KIAA0513: variants seen among roughly 807,000 people sequenced by gnomAD.
The protein encoded by KIAA0513 is KIAA0513.
A neutral mutation model predicts 56.5 loss-of-function variants in KIAA0513; 39 were observed. The observed-to-expected ratio is 0.69, with a 90% CI of 0.53 to 0.90. The LOEUF is 0.90. KIAA0513 is among the 40% of genes least tolerant of loss of function. The probability of loss-of-function intolerance (pLI) is 0.00; values close to 1 mark genes in which losing one functional copy is unlikely to be tolerated. For synonymous variants in KIAA0513, 268 were observed against 215.6 expected, an observed-to-expected ratio of 1.24 and a Z score of -2.13; for missense variants, 591 against 535.2, an observed-to-expected ratio of 1.10 and a Z score of -1.03.
chr16:85,049,258 G>C (rs2073214206), intron 1 of KIAA0513, among the ~76,000 whole-genome samples: 1 of 152,262 alleles, frequency 6.6e-6, no homozygotes, highest in Non-Finnish European at 1.5e-5. Flanking sequence ...GATCCAGGAG[G>C]ATTTGCCCAG....
At chr16:85,071,673 T>C (rs1486715362) in intron 2 of KIAA0513, 110 bp from the exon 3 acceptor site, 5 of 884,156 alleles carry the variant, frequency 5.7e-6, no homozygotes, top group East Asian at 5.3e-5. Context: ...GGGTCTGTGC[T>C]TGGCTGGGGA....
Position 85,086,586 on chromosome 16 carries a change from A to T in KIAA0513, c.1011-58A>T, listed in dbSNP as rs1473255354. On this transcript the variant is annotated intron_variant, in intron 10 of 12. Transcript: ENST00000683363. ...ACCTGCGGGTCAGAACAGGGCGAGG[A>T]GCTGGGGCAAGGACAGCACCATCTG... The T allele has an allele frequency of 5.9e-6, 9 of 1,528,424 alleles. 1 individual carries two copies. In the African/African-American group the frequency reaches 9.6e-5, roughly 16 times the overall value. The allele number at this position is 1,528,424 out of a possible 1,614,324, so 94.7% of individuals were successfully genotyped here.
rs1597624477 is a variant in KIAA0513, at chr16:85,067,465, G to C, written c.329+65G>C. 5.4e-6 allele frequency: 7 copies of C among 1,298,564 alleles called. No homozygotes were observed. In the East Asian group the frequency reaches 1.7e-4, roughly 31 times the overall value. The allele number at this position is 1,298,564 out of a possible 1,614,324, so 80.4% of individuals were successfully genotyped here. On this transcript the variant is annotated intron_variant, in intron 2 of 12. Transcript: ENST00000683363. ...CAGGGCCCAAGGGGACTCGCCTCCT[G>C]CTCTCGGCTCTGCCTCTCCCCAGGG...
intron 8 of KIAA0513, 137 bp downstream of exon 8, chr16:85,079,140 G>A (rs920495592): frequency 1.8e-5 from 27 of 1,502,556 alleles, no homozygotes; most frequent in Non-Finnish European, 2.1e-5. Context: ...AGAATAAAAA[G>A]ATGAACACTC....
chr16:85,077,498 A>C lies in KIAA0513; in HGVS notation c.648A>C (p.Ala216=), dbSNP rs1343834951. 6.2e-7 allele frequency: 1 copy of C among 1,614,136 alleles called. No individual in the cohort carries two copies. Among genetic ancestry groups the C allele is most frequent in the African/African-American group, 1.3e-5 (1 of 75,036 alleles). ...GCATCGACTCCTACCTGAAATCCGC[A>C]AACAGCTGGCTGGCCGAAAAGAAGG... is the stretch of plus-strand genomic sequence containing the variant. ...AGSIDSYLKS[A]NSWLAEKKDI... Residue 216 remains alanine (A), a synonymous_variant, in exon 6 of 13, where the codon GCA becomes GCC. Transcript: ENST00000683363.
Position 85,059,245 on chromosome 16 carries a change from G to A in KIAA0513, c.-172-7655G>A, listed in dbSNP as rs546023980. On this transcript the variant is annotated intron_variant, in intron 1 of 12. Coordinates refer to ENST00000683363, the MANE Select transcript of KIAA0513 (RefSeq NM_001388359.1). ...GAACTGCTTCAAGCTAGTAATGTGC[G>A]TCTTGCAGGTATCCAGTATTGCTGT... Among the ~76,000 whole-genome samples, 618 of 99,598 alleles carry A rather than the reference G, an allele frequency of 6.2e-3. 3 individuals carry two copies. Among genetic ancestry groups the A allele is most frequent in the Non-Finnish European group, 5.7e-3 (296 of 51,764 alleles). 65.3% of individuals were successfully genotyped at this position (99,598 alleles called of 152,430 possible). A position where few individuals can be genotyped will look rare whatever the true frequency, so the allele number is the denominator to read the frequency against.
chr16:85,088,223 C>A (rs2073831558), intron 12 of KIAA0513, 53 bp from the exon 13 acceptor site: 3 of 1,544,086 alleles, frequency 1.9e-6, no homozygotes, highest in Non-Finnish European at 2.7e-6. Flanking sequence ...GCAGGATATA[C>A]CTGTCCCTGT....
chr16:85,083,332 C>G (rs925162067), intron 10 of KIAA0513, among the ~76,000 whole-genome samples: 1 of 152,122 alleles, frequency 6.6e-6, no homozygotes, highest in Non-Finnish European at 1.5e-5. Context: ...GACGATGGCT[C>G]TTTTGTTGGA....
intron 1 of KIAA0513, among the ~76,000 whole-genome samples, chr16:85,050,253 G>A (rs184716256): frequency 6.6e-6 from 1 of 152,102 alleles, no homozygotes; most frequent in African/African-American, 2.4e-5. Context: ...GGTGACTTGA[G>A]TTGGGACTTA....
intron 10 of KIAA0513, among the ~76,000 whole-genome samples, chr16:85,086,373 C>T (rs1321035637): frequency 6.6e-6 from 1 of 152,238 alleles, no homozygotes; most frequent in Non-Finnish European, 1.5e-5. Context: ...GTGCTCCGTG[C>T]CTTCAGGGCC....
chr16:85,032,473 C>G (rs11642995), intron 1 of KIAA0513, among the ~76,000 whole-genome samples: 9,319 of 152,276 alleles, frequency 0.061, 315 homozygotes, highest in Middle Eastern at 0.082. Context: ...GCTGGGATTA[C>G]AGGTGTGTGC....
In KIAA0513 at chr16:85,088,281, T is replaced by C; in HGVS notation, c.1192T>C (p.Tyr398His). 2 of 1,612,638 alleles carry C rather than the reference T, an allele frequency of 1.2e-6. No individual in the cohort carries two copies. The highest frequency in any genetic ancestry group is 1.1e-5 in the South Asian group (1 of 91,082). The change falls in exon 13 of 13, where the codon TAC becomes CAC. Residue 398 changes from tyrosine to histidine, a missense_variant. Transcript: ENST00000683363. ...AACATCACTTTCTCTTCCAGAGCAATACAAGCTGCTTAGTGACCACATTGA... is the reference window on the plus strand; with the variant it reads ...AACATCACTTTCTCTTCCAGAGCAACACAAGCTGCTTAGTGACCACATTGA... Reference protein sequence around the residue: ...AVIGNLDEEQYKLLSDHIEQM... With the variant: ...AVIGNLDEEQHKLLSDHIEQM...
intron 1 of KIAA0513, among the ~76,000 whole-genome samples, chr16:85,041,108 TTA>T (rs2073098830): frequency 6.6e-6 from 1 of 152,150 alleles, no homozygotes; most frequent in South Asian, 2.1e-4. Context: ...AAGTGGTTGA[TTA>T]TATATGTTTC....
rs147938768 is a variant in KIAA0513 at position 85,073,413 on chromosome 16, C to A, written c.503+415C>A. Among the ~76,000 whole-genome samples the A allele has an allele frequency of 1.1e-4, 17 of 152,306 alleles. 1 individual carries two copies. The East Asian group carries it at 3.3e-3, about 29-fold the overall frequency. On this transcript the variant is annotated intron_variant, in intron 4 of 12. Coordinates refer to ENST00000683363, the MANE Select transcript of KIAA0513 (RefSeq NM_001388359.1). ...ATATGTTGGGAGGACTGTAGCTTTC[C>A]CTGCGAACACTGATTAGGCACTGCT... is the stretch of plus-strand genomic sequence containing the variant.
rs139581669 is a variant in KIAA0513, at chr16:85,088,060, G to A, written c.1187-216G>A. 3.2e-3 allele frequency among the ~76,000 whole-genome samples: 486 copies of A among 152,348 alleles called. 3 individuals carry two copies. The highest frequency in any genetic ancestry group is 0.011 in the African/African-American group (469 of 41,580). On this transcript the variant is annotated intron_variant, in intron 12 of 12. Transcript: ENST00000683363. ...GCCACCTGCTTGCCCCACAGGCGGC[G>A]TGCTGGCCAAGAGGCTGTGTGTGCA... is the stretch of plus-strand genomic sequence containing the variant.
intron 1 of KIAA0513, among the ~76,000 whole-genome samples, chr16:85,030,715 G>C (rs968878667): frequency 4.7e-5 from 7 of 150,352 alleles, no homozygotes; most frequent in African/African-American, 1.7e-4. Context: ...CTGCACTCCA[G>C]CCTGGGTGAC....
intron 1 of KIAA0513, among the ~76,000 whole-genome samples, chr16:85,047,329 G>C (rs2073185458): frequency 6.6e-6 from 1 of 152,150 alleles, no homozygotes; most frequent in Admixed American, 6.6e-5. Context: ...AACTTGATGG[G>C]GTTGTTTTCC....
chr16:85,047,359 G>A (rs1403972264), intron 1 of KIAA0513, among the ~76,000 whole-genome samples: 1 of 152,142 alleles, frequency 6.6e-6, no homozygotes, highest in East Asian at 1.9e-4. Context: ...CTCCCTCTCT[G>A]CAATCTCTCG....
At chr16:85,042,079 G>A (rs1449658270) in intron 1 of KIAA0513, among the ~76,000 whole-genome samples, 2 of 152,148 alleles carry the variant, frequency 1.3e-5, no homozygotes, top group African/African-American at 4.8e-5. Context: ...TTAGTGCACA[G>A]CTGTTTTGTT....
Sources: allele counts gnomAD v4.1 joint callset (sites outside exome capture counted in the v4.1 genomes callset), GRCh38; gene constraint gnomAD v4.1.1; transcripts MANE v1.5; gene names NCBI Gene and HGNC (gene_info 2026-07-23, HGNC 2026-07-21).